Variants in DLGAP1 observed in about 807,000 individuals in gnomAD.
The protein encoded by DLGAP1 is DLG associated protein 1, also known as disks large-associated protein 1.
A neutral mutation model predicts 90.8 loss-of-function variants in DLGAP1; 11 were observed. That is an observed-to-expected ratio of 0.12 (90% CI 0.08 to 0.20). The LOEUF (loss-of-function observed/expected upper bound fraction) is 0.20, where lower values mean the gene tolerates loss of function less well. Ranked by LOEUF, DLGAP1 falls within the 10% of genes least tolerant of loss-of-function variation. DLGAP1 has a pLI of 1.00. For missense variants in DLGAP1, 1,050 were observed against 1,333.8 expected (o/e 0.79, Z 3.31); for synonymous variants, 558 against 540.7 (o/e 1.03, Z -0.44).
chr18:4,076,002 C>T (rs1240327708), intron 2 of DLGAP1, among the ~76,000 whole-genome samples: 1 of 152,128 alleles, frequency 6.6e-6, no homozygotes, highest in Non-Finnish European at 1.5e-5. Context: ...GTCGCTCTCC[C>T]TCTCCCTCTC....
intron 1 of DLGAP1, among the ~76,000 whole-genome samples, chr18:4,437,680 T>C (rs1366201360): frequency 1.3e-5 from 2 of 152,246 alleles, no homozygotes; most frequent in African/African-American, 4.8e-5. Context: ...CTGTACATTA[T>C]GCTGGTATAA....
At chr18:4,284,537 T>A (rs74998641) in intron 1 of DLGAP1, among the ~76,000 whole-genome samples, 3,760 of 152,268 alleles carry the variant, frequency 0.025, 156 homozygotes, top group African/African-American at 0.086. Flanking sequence ...GGCACCACTG[T>A]GGCCTTTGAT....
At chr18:4,366,973 G>A (rs1472736493) in intron 1 of DLGAP1, among the ~76,000 whole-genome samples, 4 of 99,820 alleles carry the variant, frequency 4.0e-5, no homozygotes, top group Admixed American at 1.5e-4. Flanking sequence ...TAAATTCCAT[G>A]TAAAAATCCA....
intron 3 of DLGAP1, among the ~76,000 whole-genome samples, chr18:4,001,102 T>G (rs1474700192): frequency 8.8e-6 from 1 of 114,276 alleles, no homozygotes; most frequent in Admixed American, 1.0e-4. Context: ...AATCTTTTTA[T>G]TTTAAAAATA....
At chr18:4,037,155 C>T (rs547336056) in intron 2 of DLGAP1, among the ~76,000 whole-genome samples, 90 of 152,238 alleles carry the variant, frequency 5.9e-4, no homozygotes, top group African/African-American at 2.1e-3. Context: ...ACAGTAGCAA[C>T]GTGTCAGTTA....
chr18:4,380,885 A>C (rs74370984), intron 1 of DLGAP1, among the ~76,000 whole-genome samples: 2,902 of 152,226 alleles, frequency 0.019, 60 homozygotes, highest in African/African-American at 0.049. Flanking sequence ...AGCTGCCAAT[A>C]TGGTTCTCCA....
chr18:4,285,291 T>C (rs1007674701), intron 1 of DLGAP1, among the ~76,000 whole-genome samples: 3 of 152,170 alleles, frequency 2.0e-5, no homozygotes, highest in Non-Finnish European at 4.4e-5. Context: ...AAAACTCTCA[T>C]GCCCAGAGAT....
chr18:4,147,342 T>A (rs2076601221), intron 2 of DLGAP1, among the ~76,000 whole-genome samples: 1 of 152,180 alleles, frequency 6.6e-6, no homozygotes, highest in Non-Finnish European at 1.5e-5. Flanking sequence ...ACCCTGTTTA[T>A]TAAAGAGCAC....
intron 7 of DLGAP1, among the ~76,000 whole-genome samples, chr18:3,662,513 T>C (rs2059719797): frequency 6.6e-6 from 1 of 152,168 alleles, no homozygotes. Flanking sequence ...AGTGTATTAG[T>C]GGACACATAA....
rs2082049359 is a variant in DLGAP1 at position 4,378,085 on chromosome 18, A to G, written c.-267+76921T>C. On this transcript the variant is annotated intron_variant, in intron 1 of 12. Coordinates refer to ENST00000315677, the MANE Select transcript of DLGAP1 (RefSeq NM_004746.4). The surrounding 1 kb of genome is among the most constrained non-coding windows in gnomAD (Gnocchi z 4.5). ...TATAAAATATATATATCACTTTTCA[A>G]TCTTTTTTCTAATATATAACATATA... Among the ~76,000 whole-genome samples the G allele has an allele frequency of 6.7e-6, 1 of 148,530 alleles. No homozygotes were observed. Among genetic ancestry groups the G allele is most frequent in the Non-Finnish European group, 1.5e-5 (1 of 67,268 alleles).
chr18:3,896,845 A>G (rs2071637176), intron 3 of DLGAP1: 1 of 152,138 alleles, frequency 6.6e-6, no homozygotes, highest in African/African-American at 2.4e-5. Flanking sequence ...TAGAAAGGTC[A>G]CTCTCTGCCT....
intron 3 of DLGAP1, among the ~76,000 whole-genome samples, chr18:3,987,517 C>T (rs1199969781): frequency 1.3e-5 from 2 of 152,206 alleles, no homozygotes; most frequent in East Asian, 1.9e-4. Flanking sequence ...TACCAGGCAT[C>T]GTTCCAAGTG....
chr18:3,862,565 G>A (rs771239845), intron 4 of DLGAP1, among the ~76,000 whole-genome samples: 15 of 152,314 alleles, frequency 9.8e-5, no homozygotes, highest in African/African-American at 2.2e-4. Flanking sequence ...AGGGGACAGC[G>A]CCAGGTGGGT....
Position 3,750,171 on chromosome 18 carries a change from A to G in DLGAP1, c.1173-7659T>C, listed in dbSNP as rs990849575. On this transcript the variant is annotated intron_variant, in intron 5 of 12. Coordinates refer to ENST00000315677, the MANE Select transcript of DLGAP1 (RefSeq NM_004746.4). ...CCCAGAGTCTGTTGTTGCCATCTTC[A>G]TGTCTGCGTGTACCCACTGTTTAGC... Among the ~76,000 whole-genome samples the G allele has an allele frequency of 5.1e-4, 77 of 152,062 alleles. 1 individual carries two copies. The highest frequency in any genetic ancestry group is 7.4e-5 in the Non-Finnish European group (5 of 68,010).
intron 3 of DLGAP1, among the ~76,000 whole-genome samples, chr18:3,942,726 A>T (rs1201777463): frequency 6.6e-6 from 1 of 152,248 alleles, no homozygotes; most frequent in Admixed American, 6.5e-5. Flanking sequence ...GCTTTCCTGG[A>T]GGGCAGAAAT....
rs181464865 is a variant in DLGAP1 at position 3,628,014 on chromosome 18, G to A, written c.1592-45766C>T. Among the ~76,000 whole-genome samples, 1,476 of 151,436 alleles carry A rather than the reference G, an allele frequency of 9.7e-3. 8 individuals are homozygous for A. The highest frequency in any genetic ancestry group is 0.016 in the Non-Finnish European group (1,064 of 67,868). On this transcript the variant is annotated intron_variant, in intron 7 of 12. Transcript: ENST00000315677. ...CTGCCACAGCCTCCCGAGTAGCTGG[G>A]ATTACAGGCGCGCACCACACCTGGC...
chr18:4,082,994 G>C (rs1289806189), intron 2 of DLGAP1, among the ~76,000 whole-genome samples: 1 of 152,116 alleles, frequency 6.6e-6, no homozygotes, highest in African/African-American at 2.4e-5. Flanking sequence ...GGCCTTGCTA[G>C]TTATGTAGCT....
chr18:3,567,084 C>A (rs556948616), intron 9 of DLGAP1, among the ~76,000 whole-genome samples: 40 of 151,854 alleles, frequency 2.6e-4, no homozygotes, highest in African/African-American at 7.7e-4. Context: ...TTCATTCATT[C>A]ATCATTCATT....
At chr18:3,563,457 C>CT (rs58594970) in intron 9 of DLGAP1, among the ~76,000 whole-genome samples, 60,600 of 138,106 alleles carry the variant, frequency 0.44, 14,850 homozygotes, top group East Asian at 0.74. Flanking sequence ...TCTGTTATGG[C>CT]TTTTTTTTGT....
Sources: allele counts gnomAD v4.1 joint callset (sites outside exome capture counted in the v4.1 genomes callset), GRCh38; gene constraint gnomAD v4.1.1; non-coding constraint Gnocchi (gnomAD v3.1); transcripts MANE v1.5; gene names NCBI Gene and HGNC (gene_info 2026-07-23, HGNC 2026-07-21).